The following CALCRL variants were observed in gnomAD, a reference collection of about 807,000 sequenced individuals.
CALCRL encodes calcitonin receptor like receptor.
A neutral mutation model predicts 60.4 loss-of-function variants in CALCRL; 27 were observed. That is an observed-to-expected ratio of 0.45 (90% CI 0.33 to 0.62). CALCRL has a LOEUF of 0.62. Among genes scored for constraint, CALCRL ranks in the 20% least tolerant of loss-of-function variants. The probability of loss-of-function intolerance (pLI) is 0.03; values close to 1 mark genes in which losing one functional copy is unlikely to be tolerated. For missense variants in CALCRL, 424 were observed against 540.7 expected (o/e 0.78, Z 2.14); for synonymous variants, 190 against 182.6 (o/e 1.04, Z -0.33).
chr2:187,413,645 G>A (rs927323172), intron 1 of CALCRL, among the ~76,000 whole-genome samples: 2 of 152,166 alleles, frequency 1.3e-5, no homozygotes, highest in Admixed American at 6.5e-5. Context: ...TTAATGGCGT[G>A]ACCTTGAAAT....
intron 1 of CALCRL, among the ~76,000 whole-genome samples, chr2:187,429,427 C>A (rs1690303151): frequency 6.6e-6 from 1 of 152,150 alleles, no homozygotes; most frequent in Non-Finnish European, 1.5e-5. Flanking sequence ...ACAGAAAAAT[C>A]TTCTCAGTTT....
rs1244378857 is a variant in CALCRL, at chr2:187,343,519, T to C, written c.*2665A>G. 2.0e-5 allele frequency: 3 copies of C among 151,966 alleles called. No individual in the cohort carries two copies. Among genetic ancestry groups the C allele is most frequent in the Admixed American group, 6.6e-5 (1 of 15,164 alleles). The allele number at this position is 151,966 out of a possible 1,614,324, so 9.4% of individuals were successfully genotyped here. A position where few individuals can be genotyped will look rare whatever the true frequency, so the allele number is the denominator to read the frequency against. On this transcript the variant is annotated 3_prime_UTR_variant, in exon 15 of 15. Transcript: ENST00000392370. The stretch of plus-strand genomic sequence containing the variant: ...CACTACAGCCACCACTAATTCTATA[T>C]ACATTGGATTACATTTAAACAAACA...
At chr2:187,428,047 C>T (rs770578630) in intron 1 of CALCRL, among the ~76,000 whole-genome samples, 2 of 152,078 alleles carry the variant, frequency 1.3e-5, no homozygotes, top group African/African-American at 4.8e-5. Flanking sequence ...CAAAGCAGAA[C>T]AACTATATAC....
intron 1 of CALCRL, among the ~76,000 whole-genome samples, chr2:187,410,525 G>A (rs763768953): frequency 6.6e-6 from 1 of 152,202 alleles, no homozygotes; most frequent in Non-Finnish European, 1.5e-5. Flanking sequence ...GCTGTTGAGA[G>A]AGAAGGGAAA....
intron 1 of CALCRL, among the ~76,000 whole-genome samples, chr2:187,426,414 G>A (rs1368376357): frequency 6.6e-6 from 1 of 151,790 alleles, no homozygotes; most frequent in Non-Finnish European, 1.5e-5. Flanking sequence ...TTTTTAAAAA[G>A]TTCTTCCAGA....
chr2:187,361,563 T>C (rs1270515113), intron 9 of CALCRL, among the ~76,000 whole-genome samples: 1 of 151,928 alleles, frequency 6.6e-6, no homozygotes, highest in African/African-American at 2.4e-5. Flanking sequence ...TAACCAAAAA[T>C]AAAATTGAAA....
chr2:187,401,632 AT>A (rs1688890739), intron 1 of CALCRL, among the ~76,000 whole-genome samples: 3 of 151,740 alleles, frequency 2.0e-5, no homozygotes, highest in Admixed American at 2.0e-4. Flanking sequence ...AGGATCTATA[AT>A]TGTTTATCTT....
intron 14 of CALCRL, among the ~76,000 whole-genome samples, chr2:187,350,312 G>A (rs1038421109): frequency 6.6e-6 from 1 of 151,388 alleles, no homozygotes; most frequent in African/African-American, 2.4e-5. Flanking sequence ...TCCTATACAA[G>A]TAGCATTTAG....
intron 1 of CALCRL, among the ~76,000 whole-genome samples, chr2:187,418,224 T>C (rs1035001617): frequency 6.6e-6 from 1 of 152,184 alleles, no homozygotes; most frequent in African/African-American, 2.4e-5. Flanking sequence ...AAAAATTGTG[T>C]ATATCATTCT....
At chr2:187,412,369 C>T (rs1689404120) in intron 1 of CALCRL, among the ~76,000 whole-genome samples, 1 of 152,238 alleles carries the variant, frequency 6.6e-6, no homozygotes, top group East Asian at 1.9e-4. Context: ...GAACTGAGTA[C>T]TGAAAAGGGG....
chr2:187,424,940 T>G (rs1374988421), intron 1 of CALCRL, among the ~76,000 whole-genome samples: 1 of 152,048 alleles, frequency 6.6e-6, no homozygotes, highest in East Asian at 1.9e-4. Context: ...GCAATAAGGT[T>G]TTTTATAATG....
chr2:187,386,810 G>T (rs1054241276), intron 3 of CALCRL, among the ~76,000 whole-genome samples: 6 of 152,158 alleles, frequency 3.9e-5, no homozygotes, highest in Non-Finnish European at 4.4e-5. Flanking sequence ...ATGAATCATG[G>T]AGGTGGGTCT....
At chr2:187,400,292 T>C (rs1475821571) in intron 1 of CALCRL, among the ~76,000 whole-genome samples, 1 of 151,420 alleles carries the variant, frequency 6.6e-6, no homozygotes. Flanking sequence ...ATGTTCAATA[T>C]TCTTAGTCAT....
At chr2:187,372,531 G>T (rs572941981) in intron 8 of CALCRL, among the ~76,000 whole-genome samples, 1 of 152,016 alleles carries the variant, frequency 6.6e-6, no homozygotes, top group South Asian at 2.1e-4. Flanking sequence ...ATACTGTTTT[G>T]TGTTCTCTGT....
chr2:187,444,612 T>C (rs919747498), intron 1 of CALCRL, among the ~76,000 whole-genome samples: 1 of 151,546 alleles, frequency 6.6e-6, no homozygotes, highest in African/African-American at 2.4e-5. Context: ...AAATGTGTTT[T>C]AGGAAAATAT....
At chr2:187,411,576 C>T (rs1320971123) in intron 1 of CALCRL, among the ~76,000 whole-genome samples, 1 of 151,840 alleles carries the variant, frequency 6.6e-6, no homozygotes, top group East Asian at 1.9e-4. Context: ...AATGGGATAC[C>T]TAGATAAATG....
At chr2:187,437,018 T>C (rs1690673291) in intron 1 of CALCRL, among the ~76,000 whole-genome samples, 1 of 152,128 alleles carries the variant, frequency 6.6e-6, no homozygotes, top group Admixed American at 6.6e-5. Flanking sequence ...AGAATTTTGT[T>C]TGGATATACT....
At chr2:187,403,649 A>G (rs1688992127) in intron 1 of CALCRL, among the ~76,000 whole-genome samples, 1 of 151,910 alleles carries the variant, frequency 6.6e-6, no homozygotes, top group Non-Finnish European at 1.5e-5. Flanking sequence ...GTACAAAGGC[A>G]TGGGTACAGA....
rs369003906 is a variant in CALCRL, at chr2:187,426,185, A to G, written c.-293+21854T>C. On this transcript the variant is annotated intron_variant, in intron 1 of 14. Coordinates refer to ENST00000392370, the MANE Select transcript of CALCRL (RefSeq NM_005795.6). Reference sequence around the variant, plus strand: ...AGATAAAGTGACAGGGAAATAGATCATTAGATGAGCACGTAACACTTTAAA... The same window carrying G: ...AGATAAAGTGACAGGGAAATAGATCGTTAGATGAGCACGTAACACTTTAAA... Among the ~76,000 whole-genome samples the G allele has an allele frequency of 1.8e-3, 273 of 152,012 alleles. 2 individuals are homozygous for G. The highest frequency in any genetic ancestry group is 6.3e-3 in the African/African-American group (262 of 41,542).
Sources: gnomAD v4.1 joint callset for allele counts (sites outside exome capture counted in the v4.1 genomes callset) on GRCh38, gnomAD v4.1.1 for gene constraint, MANE v1.5 for transcripts, NCBI Gene and HGNC (gene_info 2026-07-23, HGNC 2026-07-21) for gene names.